Variants in BICC1 observed in about 807,000 individuals in gnomAD.
The protein encoded by BICC1 is BicC family RNA binding protein 1, also known as protein bicaudal C homolog 1.
In BICC1, 43 loss-of-function variants were observed where a neutral mutation model predicts 111.0. The observed-to-expected ratio is 0.39, with a 90% CI of 0.30 to 0.50. The LOEUF is 0.50. Among genes scored for constraint, BICC1 ranks in the 20% least tolerant of loss-of-function variants. The pLI, the probability that BICC1 is intolerant of heterozygous loss-of-function variation, is 0.88. For synonymous variants in BICC1, 467 were observed against 434.4 expected (o/e 1.07, Z -0.93); for missense variants, 1,091 against 1,203.2 (o/e 0.91, Z 1.38).
chr10:58,699,173 G>C (rs11006226), intron 2 of BICC1, among the ~76,000 whole-genome samples: 1 of 152,238 alleles, frequency 6.6e-6, no homozygotes, highest in African/African-American at 2.4e-5. Context: ...TTTAGAGGTC[G>C]TGTGGTACAG....
At chr10:58,822,236 A>T (rs190025769) in intron 20 of BICC1, among the ~76,000 whole-genome samples, 101 of 152,234 alleles carry the variant, frequency 6.6e-4, no homozygotes, top group African/African-American at 2.4e-3. Context: ...ATAATCTTTC[A>T]CTAGAGATTC....
intron 3 of BICC1, among the ~76,000 whole-genome samples, chr10:58,740,238 C>T (rs756805101): frequency 8.5e-5 from 13 of 152,064 alleles, no homozygotes; most frequent in Non-Finnish European, 1.8e-4. Flanking sequence ...TTTTATTTCC[C>T]AAATTCAAAG....
chr10:58,604,807 T>G lies in BICC1; in HGVS notation c.191-16048T>G, dbSNP rs77118809. 4.9e-3 allele frequency among the ~76,000 whole-genome samples: 747 copies of G among 152,330 alleles called. 4 individuals carry two copies. Among genetic ancestry groups the G allele is most frequent in the Non-Finnish European group, 8.2e-3 (555 of 68,032 alleles). ...GCAGAATACCATATACTGGATAGCT[T>G]ATAAACAGAAATTTATTTCTCACAG... On this transcript the variant is annotated intron_variant, in intron 1 of 20. Coordinates refer to ENST00000373886, the MANE Select transcript of BICC1 (RefSeq NM_001080512.3).
Position 58,801,186 on chromosome 10 carries a change from A to T in BICC1, c.2015+140A>T, listed in dbSNP as rs917169188. ...TTTTCATTTTAACTTTTTTAAAAAA[A>T]ATATTAAGGAATAATATCTGTTAAT... is the stretch of plus-strand genomic sequence containing the variant. On this transcript the variant is annotated intron_variant, in intron 14 of 20. Coordinates refer to ENST00000373886, the MANE Select transcript of BICC1 (RefSeq NM_001080512.3). The T allele has an allele frequency of 3.4e-5, 23 of 670,710 alleles. No homozygotes were observed. The African/African-American group carries it at 3.6e-4, about 10-fold the overall frequency. The allele number at this position is 670,710 out of a possible 1,614,324, so 41.5% of individuals were successfully genotyped here. A position where few individuals can be genotyped will look rare whatever the true frequency, so the allele number is the denominator to read the frequency against.
chr10:58,687,610 G>A (rs1265305448), intron 2 of BICC1, among the ~76,000 whole-genome samples: 1 of 152,170 alleles, frequency 6.6e-6, no homozygotes, highest in Non-Finnish European at 1.5e-5. Context: ...CTTGCAGTTC[G>A]AGCTCAGACT....
chr10:58,710,241 C>A (rs1840531158), intron 3 of BICC1, among the ~76,000 whole-genome samples: 1 of 152,126 alleles, frequency 6.6e-6, no homozygotes, highest in East Asian at 1.9e-4. Context: ...AGACCTCAAA[C>A]CCAAATTCAG....
At chr10:58,615,481 G>C (rs1236526140) in intron 1 of BICC1, among the ~76,000 whole-genome samples, 1 of 152,144 alleles carries the variant, frequency 6.6e-6, no homozygotes, top group East Asian at 1.9e-4. Flanking sequence ...CTCGTGCTTT[G>C]CTCAGAGCCA....
At chr10:58,562,826 A>G (rs1464893075) in intron 1 of BICC1, among the ~76,000 whole-genome samples, 2 of 151,992 alleles carry the variant, frequency 1.3e-5, no homozygotes, top group Non-Finnish European at 2.9e-5. Context: ...GGATTGGAAC[A>G]GTATTGTCTT....
intron 2 of BICC1, among the ~76,000 whole-genome samples, chr10:58,692,552 T>C (rs1277672890): frequency 2.0e-5 from 3 of 152,216 alleles, no homozygotes; most frequent in African/African-American, 7.2e-5. Context: ...AAAGTAAAAC[T>C]AATATTTATT....
At chr10:58,761,565 G>A (rs758007133) in intron 3 of BICC1, among the ~76,000 whole-genome samples, 10 of 152,160 alleles carry the variant, frequency 6.6e-5, no homozygotes, top group Non-Finnish European at 1.0e-4. Context: ...AAATGTAGAC[G>A]TAGTTATGTG....
chr10:58,576,057 A>G (rs768062881), intron 1 of BICC1, among the ~76,000 whole-genome samples: 1 of 152,172 alleles, frequency 6.6e-6, no homozygotes, highest in Non-Finnish European at 1.5e-5. Flanking sequence ...TATGTGGATT[A>G]AATGTCACAT....
chr10:58,796,364 C>T lies in BICC1; in HGVS notation c.1204C>T (p.Arg402Ter). The T allele has an allele frequency of 2.5e-6, 4 of 1,613,670 alleles. No individual in the cohort carries two copies. The highest frequency in any genetic ancestry group is 2.5e-6 in the Non-Finnish European group (3 of 1,179,868). ...SKSVIVKSVE[R>*]NALNMYEARK... ...GTCTGTGATTGTGAAAAGTGTTGAG[C>T]GAAATGCCTTAAATATGTATGAAGC... Residue 402 changes from arginine (R) to a stop codon, truncating the protein, a stop_gained, in exon 10 of 21, where the codon CGA (arginine) becomes TGA (stop). Coordinates refer to ENST00000373886, the MANE Select transcript of BICC1 (RefSeq NM_001080512.3). LOFTEE classifies it high-confidence loss of function.
intron 2 of BICC1, among the ~76,000 whole-genome samples, chr10:58,622,142 A>C (rs1845838955): frequency 6.6e-6 from 1 of 152,068 alleles, no homozygotes; most frequent in Non-Finnish European, 1.5e-5. Flanking sequence ...TGATCGTGCC[A>C]CTGCACTCCA....
intron 3 of BICC1, among the ~76,000 whole-genome samples, chr10:58,730,117 A>C (rs1368815619): frequency 6.6e-6 from 1 of 152,218 alleles, no homozygotes; most frequent in Non-Finnish European, 1.5e-5. Context: ...TAAAATCAAA[A>C]ACAAGTTAGT....
intron 3 of BICC1, among the ~76,000 whole-genome samples, chr10:58,758,601 A>G: frequency 6.6e-6 from 1 of 152,244 alleles, no homozygotes; most frequent in Non-Finnish European, 1.5e-5. Context: ...GGGTCTAGAT[A>G]GTAATTCTAT....
chr10:58,673,970 AATAGCTT>A (rs985737735), intron 2 of BICC1, among the ~76,000 whole-genome samples: 4 of 1,356 alleles, frequency 2.9e-3, no homozygotes, highest in African/African-American at 4.8e-3. Flanking sequence ...CACTCAAGCT[AATAGCTT>A]GCTGGTTGTA....
intron 20 of BICC1, among the ~76,000 whole-genome samples, chr10:58,827,275 T>G (rs1016711909): frequency 1.2e-4 from 18 of 152,184 alleles, no homozygotes; most frequent in Admixed American, 1.2e-3. Context: ...CTGGAAGGTT[T>G]ACACCATTGG....
intron 2 of BICC1, among the ~76,000 whole-genome samples, chr10:58,677,137 C>T (rs903572287): frequency 1.3e-5 from 2 of 152,178 alleles, no homozygotes; most frequent in Non-Finnish European, 2.9e-5. Flanking sequence ...ACCAGAATGC[C>T]TCTTCTCCTC....
chr10:58,594,619 CA>C (rs1844750924), intron 1 of BICC1, among the ~76,000 whole-genome samples: 1 of 152,080 alleles, frequency 6.6e-6, no homozygotes, highest in Non-Finnish European at 1.5e-5. Context: ...CATATCCAGC[CA>C]AACTAAGCCT....
Sources: allele counts gnomAD v4.1 joint callset (sites outside exome capture counted in the v4.1 genomes callset), GRCh38; gene constraint gnomAD v4.1.1; transcripts MANE v1.5; gene names NCBI Gene and HGNC (gene_info 2026-07-23, HGNC 2026-07-21).